The following PPM1D variants were observed in gnomAD, a reference collection of about 807,000 sequenced individuals.
The protein encoded by PPM1D is protein phosphatase, Mg2+/Mn2+ dependent 1D, also known as protein phosphatase 1D.
A neutral mutation model predicts 58.3 loss-of-function variants in PPM1D; 52 were observed. That is an observed-to-expected ratio of 0.89 (90% CI 0.71 to 1.12). PPM1D has a LOEUF of 1.12. PPM1D is among the 50% of genes most tolerant of loss of function. PPM1D has a pLI of 0.00. For missense variants in PPM1D, 564 were observed against 777.2 expected, an observed-to-expected ratio of 0.73 and a Z score of 3.26; for synonymous variants, 278 against 285.1, an observed-to-expected ratio of 0.98 and a Z score of 0.25.
Position 60,600,635 on chromosome 17 carries a change from A to T in PPM1D, c.221A>T (p.Glu74Val). 1 of 1,557,636 alleles carries T rather than the reference A, an allele frequency of 6.4e-7. No homozygotes were observed. Among genetic ancestry groups the T allele is most frequent in the Admixed American group, 1.9e-5 (1 of 51,634 alleles). Reference sequence around the variant, plus strand: ...AAAGGCCCAGCGGTGGCAGCCCGAGAGGCTCGCGACCCTCTCCCGGACGCC... The same window carrying T: ...AAAGGCCCAGCGGTGGCAGCCCGAGTGGCTCGCGACCCTCTCCCGGACGCC... ...SGKGPAVAAR[E>V]ARDPLPDAGA... The change falls in exon 1 of 6, where the codon GAG becomes GTG. Residue 74 changes from glutamate (E) to valine (V), a missense_variant. Physicochemically the swap from Glu to Val is moderately radical, Grantham distance 121. Transcript: ENST00000305921.
intron 2 of PPM1D, among the ~76,000 whole-genome samples, chr17:60,624,325 C>A (rs1012914940): frequency 6.6e-6 from 1 of 152,118 alleles, no homozygotes; most frequent in Admixed American, 6.6e-5. Flanking sequence ...AAAATTATCT[C>A]AATACTAATT....
Position 60,600,548 on chromosome 17 carries a change from T to G in PPM1D, c.134T>G (p.Leu45Arg). The stretch of plus-strand genomic sequence containing the variant: ...GAAAAGCCCTCGCCGCGGCGGTCGC[T>G]GTCTCAGCCGTTGCCTCCGCGGCCG... ...AEEKPSPRRS[L>R]SQPLPPRPSP... Residue 45 changes from leucine to arginine, a missense_variant, in exon 1 of 6, where the codon CTG (leucine) becomes CGG (arginine). Leu to Arg is a moderately radical substitution (Grantham distance 102). Transcript: ENST00000305921. 1 of 1,553,618 alleles carries G rather than the reference T, an allele frequency of 6.4e-7. No homozygotes were observed. Among genetic ancestry groups the G allele is most frequent in the South Asian group, 1.2e-5 (1 of 84,320 alleles).
At chr17:60,640,823 A>C (rs2031119353) in intron 3 of PPM1D, among the ~76,000 whole-genome samples, 1 of 150,966 alleles carries the variant, frequency 6.6e-6, no homozygotes, top group Non-Finnish European at 1.5e-5. Context: ...GAAATTGGAA[A>C]TTTCTTTTAT....
At position 60,663,011 on chromosome 17, in the gene PPM1D, CA is replaced by C; in HGVS notation, c.1278del (p.Trp427GlyfsTer4). ...ATTTTTCAGTCACTGGAGGAGGATC[CA>C]TGGCCAAGGGTGAATTCTAAGGACC... ...TPPVKSLEED[P>X]WPRVNSKDHI... On this transcript the variant is annotated frameshift_variant, in exon 6 of 6. Transcript: ENST00000305921. LOFTEE classifies it high-confidence loss of function. 6.2e-7 allele frequency: 1 copy of C among 1,606,802 alleles called. No individual in the cohort carries two copies. The highest frequency in any genetic ancestry group is 8.5e-7 in the Non-Finnish European group (1 of 1,176,482).
chr17:60,648,131 G>T (rs1027751569), intron 4 of PPM1D, 49 bp downstream of exon 4: 3 of 1,550,374 alleles, frequency 1.9e-6, no homozygotes, highest in Non-Finnish European at 1.7e-6. Flanking sequence ...CATTGTTTTG[G>T]TACTTCTGTC....
intron 1 of PPM1D, among the ~76,000 whole-genome samples, chr17:60,623,228 C>G (rs2030741847): frequency 6.6e-6 from 1 of 152,136 alleles, no homozygotes; most frequent in Non-Finnish European, 1.5e-5. Context: ...TCTTTCCTAT[C>G]AATGTAGTTA....
Position 60,600,752 on chromosome 17 carries a change from C to T in PPM1D, c.338C>T (p.Ala113Val). 6.2e-7 allele frequency: 1 copy of T among 1,611,858 alleles called. No individual in the cohort carries two copies. Among genetic ancestry groups the T allele is most frequent in the Non-Finnish European group, 8.5e-7 (1 of 1,179,660 alleles). Residue 113 changes from alanine (A) to valine (V), a missense_variant, in exon 1 of 6, where the codon GCA becomes GTA. Physicochemically the swap from Ala to Val is moderately conservative, Grantham distance 64. Coordinates refer to ENST00000305921, the MANE Select transcript of PPM1D (RefSeq NM_003620.4). ...VCDGHGGREAAQFAREHLWGF... is the reference protein window; with the variant it reads ...VCDGHGGREAVQFAREHLWGF... ...GACGGGCACGGCGGGCGGGAGGCGG[C>T]ACAGTTTGCCCGGGAGCACTTGTGG...
At chr17:60,656,862 T>G (rs1334763389) in intron 5 of PPM1D, 21 bp downstream of exon 5, 1 of 1,613,456 alleles carries the variant, frequency 6.2e-7, no homozygotes, top group East Asian at 2.2e-5. Context: ...CCATAGTTTT[T>G]AAGTTATGTT....
chr17:60,648,722 G>A (rs569242460), intron 4 of PPM1D, among the ~76,000 whole-genome samples: 30 of 148,424 alleles, frequency 2.0e-4, no homozygotes, highest in African/African-American at 7.5e-4. Flanking sequence ...GATTCTTAGT[G>A]TAGTTCACAA....
intron 4 of PPM1D, among the ~76,000 whole-genome samples, chr17:60,649,297 T>C: frequency 6.6e-6 from 1 of 152,188 alleles, no homozygotes; most frequent in Admixed American, 6.5e-5. Flanking sequence ...AAAGATGGGT[T>C]ATCCTTAGAA....
At chr17:60,623,080 A>T (rs535076996) in intron 1 of PPM1D, among the ~76,000 whole-genome samples, 4 of 152,362 alleles carry the variant, frequency 2.6e-5, no homozygotes, top group Non-Finnish European at 5.9e-5. Context: ...CTAAAAAACA[A>T]CAAAACAGAA....
At chr17:60,629,753 TGG>T (rs1567970024) in intron 2 of PPM1D, among the ~76,000 whole-genome samples, 1 of 152,124 alleles carries the variant, frequency 6.6e-6, no homozygotes, top group Admixed American at 6.6e-5. Flanking sequence ...ATACTTTTCT[TGG>T]GGCCGGGCAC....
At position 60,604,518 on chromosome 17, in the gene PPM1D, TTATG is replaced by T. The variant is rs1712688877; in HGVS notation, c.472+3635_472+3638del. The T allele has an allele frequency of 2.0e-5, 3 of 152,182 alleles. No homozygotes were observed. In the South Asian group the frequency reaches 6.2e-4, roughly 32 times the overall value. The allele number at this position is 152,182 out of a possible 1,614,324, so 9.4% of individuals were successfully genotyped here. On this transcript the variant is annotated intron_variant, in intron 1 of 5. Coordinates refer to ENST00000305921, the MANE Select transcript of PPM1D (RefSeq NM_003620.4). ...CCTGTAGTATGTAACAAAAGCCTGT[TTATG>T]TAGTCTCCTTTTTGTCATATAGAAT...
rs370941584 is a variant in PPM1D, at chr17:60,613,816, G to A, written c.473-9705G>A. On this transcript the variant is annotated intron_variant, in intron 1 of 5. Transcript: ENST00000305921. ...AGCAGTGCTGGCCCACCGGCGCTGC[G>A]CTGGATTTCTCGCCGGGCCTTAGCT... is the stretch of plus-strand genomic sequence containing the variant. Among the ~76,000 whole-genome samples the A allele has an allele frequency of 4.1e-4, 63 of 152,288 alleles. No individual in the cohort carries two copies. The East Asian group carries it at 9.5e-3, about 23-fold the overall frequency.
In PPM1D at chr17:60,665,319, C is replaced by T. The variant is rs1278388345; in HGVS notation, c.*1767C>T. 1 of 152,166 alleles carries T rather than the reference C, an allele frequency of 6.6e-6. No homozygotes were observed. The highest frequency in any genetic ancestry group is 1.5e-5 in the Non-Finnish European group (1 of 68,054). 9.4% of individuals were successfully genotyped at this position (152,166 alleles called of 1,614,324 possible). A position where few individuals can be genotyped will look rare whatever the true frequency, so the allele number is the denominator to read the frequency against. ...CTTACATTTCAGTTCAAGTGATTTT[C>T]ATGTCTCAGCCTCCTGAGTAGCTGG... On this transcript the variant is annotated 3_prime_UTR_variant, in exon 6 of 6. Transcript: ENST00000305921.
At chr17:60,653,364 A>T (rs551754837) in intron 4 of PPM1D, among the ~76,000 whole-genome samples, 1 of 152,174 alleles carries the variant, frequency 6.6e-6, no homozygotes, top group Admixed American at 6.5e-5. Context: ...GGATTTATAC[A>T]TAGGTTTTCT....
chr17:60,647,381 T>A (rs2031268626), intron 3 of PPM1D, among the ~76,000 whole-genome samples: 1 of 152,216 alleles, frequency 6.6e-6, no homozygotes, highest in Non-Finnish European at 1.5e-5. Context: ...TTTCTATGTC[T>A]TGCTATCATA....
At chr17:60,619,971 T>TTTTTTG (rs1431734122) in intron 1 of PPM1D, among the ~76,000 whole-genome samples, 31 of 150,348 alleles carry the variant, frequency 2.1e-4, no homozygotes, top group African/African-American at 6.8e-4. Context: ...TGCCCAGTTT[T>TTTTTTG]TTTTTGTTTT....
At chr17:60,635,587 G>T (rs1208161052) in intron 3 of PPM1D, among the ~76,000 whole-genome samples, 1 of 152,142 alleles carries the variant, frequency 6.6e-6, no homozygotes, top group African/African-American at 2.4e-5. Flanking sequence ...CTGTTTTTGT[G>T]TCGTAACACT....
Sources: gnomAD v4.1 joint callset for allele counts (sites outside exome capture counted in the v4.1 genomes callset) on GRCh38, gnomAD v4.1.1 for gene constraint, MANE v1.5 for transcripts, NCBI Gene and HGNC (gene_info 2026-07-23, HGNC 2026-07-21) for gene names.